TENM3: variants seen among roughly 807,000 people sequenced by gnomAD.
The protein encoded by TENM3 is teneurin-3.
In TENM3, 63 loss-of-function variants were observed where a neutral mutation model predicts 255.1. The observed-to-expected ratio is 0.25, with a 90% CI of 0.20 to 0.30. The LOEUF (loss-of-function observed/expected upper bound fraction) is 0.30. Among genes scored for constraint, TENM3 ranks in the 10% least tolerant of loss-of-function variants. TENM3 has a pLI of 1.00. For missense variants in TENM3, 2,929 were observed against 3,461.1 expected (o/e 0.85, Z 3.86); for synonymous variants, 1,306 against 1,322.3 (o/e 0.99, Z 0.27).
At chr4:182,249,406 G>T (rs1757849175) in intron 1 of TENM3, among the ~76,000 whole-genome samples, 1 of 152,176 alleles carries the variant, frequency 6.6e-6, no homozygotes. Context: ...TACATATTTT[G>T]TGAGTTATAT....
chr4:181,979,586 A>T, the TENM3 span, among the ~76,000 whole-genome samples: 68 of 152,154 alleles, frequency 4.5e-4, no homozygotes, highest in Admixed American at 4.4e-3. Context: ...CAGGGAGAAC[A>T]CTTGGCTTGG....
At chr4:182,324,289 C>T (rs574546073) in intron 2 of TENM3, 37 bp downstream of exon 2, 6 of 1,462,794 alleles carry the variant, frequency 4.1e-6, no homozygotes, top group Admixed American at 1.7e-5. Flanking sequence ...GCAATGCTCA[C>T]GTTACTAACT....
At chr4:182,375,913 A>C (rs1423643383) in intron 3 of TENM3, among the ~76,000 whole-genome samples, 3 of 152,166 alleles carry the variant, frequency 2.0e-5, no homozygotes, top group Non-Finnish European at 4.4e-5. Context: ...ACTGACTTCC[A>C]TGACATAGTG....
chr4:182,365,424 A>G (rs1286585907), intron 3 of TENM3, among the ~76,000 whole-genome samples: 5 of 152,192 alleles, frequency 3.3e-5, no homozygotes. Context: ...TTCTGCTCAT[A>G]GACATAGGTG....
intron 22 of TENM3, among the ~76,000 whole-genome samples, chr4:182,770,486 CCTGA>C (rs1312344390): frequency 2.0e-5 from 3 of 152,194 alleles, no homozygotes; most frequent in Non-Finnish European, 4.4e-5. Flanking sequence ...CGGGCCCCTG[CCTGA>C]CTGCCTGATC....
At chr4:182,136,496 G>A in the TENM3 span, among the ~76,000 whole-genome samples, 2 of 152,074 alleles carry the variant, frequency 1.3e-5, no homozygotes, top group African/African-American at 2.4e-5. Flanking sequence ...GAAAGGGCTG[G>A]GTGGAAGATT....
intron 1 of TENM3, among the ~76,000 whole-genome samples, chr4:182,223,080 A>G (rs1418137935): frequency 6.6e-6 from 1 of 152,244 alleles, no homozygotes; most frequent in Non-Finnish European, 1.5e-5. Flanking sequence ...CAGCTTGTCA[A>G]TAAGAATGAG....
Position 182,780,686 on chromosome 4 carries a change from G to A in TENM3, c.5304+5533G>A, listed in dbSNP as rs1162040850. Among the ~76,000 whole-genome samples, 17 of 149,976 alleles carry A rather than the reference G, an allele frequency of 1.1e-4. 1 individual carries two copies. Among genetic ancestry groups the A allele is most frequent in the African/African-American group, 4.0e-4 (16 of 40,348 alleles). ...CACGATATTGATTCTTCCTACCCAT[G>A]AGCATGGAATGTTCTTCCATTTGTT... is the stretch of plus-strand genomic sequence containing the variant. On this transcript the variant is annotated intron_variant, in intron 24 of 27. Coordinates refer to ENST00000511685, the MANE Select transcript of TENM3 (RefSeq NM_001080477.4).
At chr4:182,666,747 A>G (rs761999540) in intron 6 of TENM3, among the ~76,000 whole-genome samples, 33 of 152,118 alleles carry the variant, frequency 2.2e-4, no homozygotes, top group Admixed American at 7.9e-4. Context: ...AAATACCAAA[A>G]AATTAGCCAG....
chr4:181,863,566 C>T, the TENM3 span, among the ~76,000 whole-genome samples: 1 of 152,108 alleles, frequency 6.6e-6, no homozygotes, highest in Non-Finnish European at 1.5e-5. Flanking sequence ...GGGCTCTCTG[C>T]AATATACAAA....
chr4:182,751,944 A>T lies in TENM3; in HGVS notation c.3774A>T (p.Ala1258=). ...TGACTAAAAATGCAGAAGTCGTCGC[A>T]GGGACAGGGGAGCAATGCCTTCCGT... The part of the protein sequence containing the change: ...KDLTKNAEVV[A]GTGEQCLPFD... Residue 1258 remains alanine (A), a synonymous_variant, in exon 20 of 28, where the codon GCA becomes GCT. Transcript: ENST00000511685. 1 of 1,613,910 alleles carries T rather than the reference A, an allele frequency of 6.2e-7. No homozygotes were observed.
intron 4 of TENM3, among the ~76,000 whole-genome samples, chr4:182,622,648 T>C (rs1242950590): frequency 1.1e-4 from 16 of 152,210 alleles, no homozygotes. Flanking sequence ...TTTTTATAAT[T>C]TCCAGCCTTA....
chr4:181,672,442 A>C, the TENM3 span, among the ~76,000 whole-genome samples: 74 of 152,304 alleles, frequency 4.9e-4, no homozygotes, highest in African/African-American at 1.6e-3. Flanking sequence ...TTCGTATAAC[A>C]TCTCATTTAA....
intron 1 of TENM3, among the ~76,000 whole-genome samples, chr4:182,308,221 A>G (rs1762244655): frequency 6.6e-6 from 1 of 152,186 alleles, no homozygotes; most frequent in Admixed American, 6.5e-5. Flanking sequence ...GGCTGGATTG[A>G]GCCCCCCAAC....
chr4:181,900,941 ACT>A, the TENM3 span, among the ~76,000 whole-genome samples: 1 of 151,932 alleles, frequency 6.6e-6, no homozygotes, highest in African/African-American at 2.4e-5. Flanking sequence ...ATGTGCACAC[ACT>A]CTCATTTCCG....
At chr4:181,748,673 AAAAAT>A in the TENM3 span, among the ~76,000 whole-genome samples, 1 of 152,116 alleles carries the variant, frequency 6.6e-6, no homozygotes, top group Non-Finnish European at 1.5e-5. Context: ...AGTAAGTTGT[AAAAAT>A]AAAATATGTT....
chr4:182,709,427 TC>T lies in TENM3; in HGVS notation c.2222-4659del, dbSNP rs56951257. The stretch of plus-strand genomic sequence containing the variant: ...AGTGTCAGAACATACTCGTTAGTTT[TC>T]AAAGTAATTTTTTGCAACCTAATAT... On this transcript the variant is annotated intron_variant, in intron 12 of 27. Coordinates refer to ENST00000511685, the MANE Select transcript of TENM3 (RefSeq NM_001080477.4). Among the ~76,000 whole-genome samples, 177 of 152,334 alleles carry T rather than the reference TC, an allele frequency of 1.2e-3. 1 individual carries two copies. In the East Asian group the frequency reaches 0.022, roughly 19 times the overall value.
chr4:181,820,484 T>TAA, the TENM3 span, among the ~76,000 whole-genome samples: 1 of 101,970 alleles, frequency 9.8e-6, no homozygotes, highest in Admixed American at 1.1e-4. Flanking sequence ...AAATTTTCTT[T>TAA]AAACACACAC....
At chr4:181,940,971 T>C in the TENM3 span, among the ~76,000 whole-genome samples, 2 of 152,218 alleles carry the variant, frequency 1.3e-5, no homozygotes, top group Non-Finnish European at 2.9e-5. Flanking sequence ...TCCAGATGAA[T>C]TGAATACCGG....
Sources: gnomAD v4.1 joint callset for allele counts (sites outside exome capture counted in the v4.1 genomes callset) on GRCh38, gnomAD v4.1.1 for gene constraint, MANE v1.5 for transcripts, NCBI Gene and HGNC (gene_info 2026-07-23, HGNC 2026-07-21) for gene names.